Variants in ARID1B observed in about 807,000 individuals in gnomAD.
ARID1B encodes AT-rich interaction domain 1B.
Under a neutral mutation model 212.3 loss-of-function variants are expected in ARID1B, and 30 were observed. The observed-to-expected ratio is 0.14, with a 90% CI of 0.11 to 0.19. The LOEUF (loss-of-function observed/expected upper bound fraction) is 0.19, where lower values mean the gene tolerates loss of function less well. ARID1B is among the 10% of genes least tolerant of loss of function. The pLI is 1.00. For synonymous variants in ARID1B, 1,402 were observed against 1,301.7 expected, an observed-to-expected ratio of 1.08 and a Z score of -1.66; for missense variants, 2,891 against 3,204.0, an observed-to-expected ratio of 0.90 and a Z score of 2.36.
chr6:156,896,255 C>T (rs1316343713), intron 2 of ARID1B, among the ~76,000 whole-genome samples: 1 of 152,040 alleles, frequency 6.6e-6, no homozygotes, highest in Non-Finnish European at 1.5e-5. Flanking sequence ...GGTCAGTGTA[C>T]CTTTAAACCT....
chr6:157,047,398 G>A (rs1782305177), intron 4 of ARID1B, among the ~76,000 whole-genome samples: 1 of 152,314 alleles, frequency 6.6e-6, no homozygotes. Context: ...AGTTCTTGGT[G>A]TAATAGGAAC....
In ARID1B at chr6:156,777,724, G is replaced by GGCGGC; in HGVS notation, c.45_46insCGGCG (p.Ala16ArgfsTer55). 6.1e-6 allele frequency: 1 copy of GGCGGC among 163,076 alleles called. No homozygotes were observed. Among genetic ancestry groups the GGCGGC allele is most frequent in the Non-Finnish European group, 1.2e-5 (1 of 85,806 alleles). 10.1% of individuals were successfully genotyped at this position (163,076 alleles called of 1,614,324 possible). A position where few individuals can be genotyped will look rare whatever the true frequency, so the allele number is the denominator to read the frequency against. On this transcript the variant is annotated frameshift_variant, in exon 1 of 20. Transcript: ENST00000636930. LOFTEE classifies it high-confidence loss of function. ...GCGGCGGCGGCGGCGGCGGCGGCGCGGGCGCGGGCGCGGGCAGGCAGCGGC... is the reference window on the plus strand; with the variant it reads ...GCGGCGGCGGCGGCGGCGGCGGCGCGGCGGCGGCGCGGGCGCGGGCAGGCAGCGGC...
intron 4 of ARID1B, among the ~76,000 whole-genome samples, chr6:157,070,901 C>G (rs1393848082): frequency 6.6e-6 from 1 of 152,140 alleles, no homozygotes; most frequent in African/African-American, 2.4e-5. Flanking sequence ...CCTTTGTTAG[C>G]TCTTGTGAGA....
At chr6:156,890,073 A>G (rs894273953) in intron 2 of ARID1B, among the ~76,000 whole-genome samples, 9 of 152,258 alleles carry the variant, frequency 5.9e-5, no homozygotes, top group African/African-American at 1.9e-4. Context: ...ATAGATTCAT[A>G]ATGGTTATTA....
At chr6:156,940,221 C>T (rs562834521) in intron 4 of ARID1B, 1 of 152,254 alleles carries the variant, frequency 6.6e-6, no homozygotes, top group South Asian at 2.1e-4. Context: ...TTTGTTAGGA[C>T]TTTGTGAAAT....
chr6:156,973,476 T>A (rs937615474), intron 4 of ARID1B, among the ~76,000 whole-genome samples: 7 of 152,228 alleles, frequency 4.6e-5, no homozygotes, highest in African/African-American at 1.4e-4. Context: ...GTTATTTTAC[T>A]TGTGAGTTTC....
In ARID1B at chr6:156,778,865, C is replaced by T. The variant is rs1562377351; in HGVS notation, c.1185C>T (p.Gly395=). 23 of 1,399,234 alleles carry T rather than the reference C, an allele frequency of 1.6e-5. No individual in the cohort carries two copies. The highest frequency in any genetic ancestry group is 2.0e-5 in the Non-Finnish European group (22 of 1,073,390). 86.7% of individuals were successfully genotyped at this position (1,399,234 alleles called of 1,614,324 possible). ...SRPGAGGGGG[G]GGGGGGGSGG... is the part of the protein sequence containing the mutation. ...CCGGCGCGGGCGGCGGCGGCGGCGG[C>T]GGCGGCGGAGGAGGAGGAGGCAGCG... Residue 395 remains glycine (G), a synonymous_variant, in exon 1 of 20, where the codon GGC becomes GGT. Transcript: ENST00000636930.
At chr6:156,802,904 T>C (rs916746676) in intron 1 of ARID1B, among the ~76,000 whole-genome samples, 1 of 152,224 alleles carries the variant, frequency 6.6e-6, no homozygotes, top group African/African-American at 2.4e-5. Context: ...ATGTACACAA[T>C]ATGTTTCACA....
At chr6:157,175,029 G>T (rs558756695) in intron 11 of ARID1B, 24 bp downstream of exon 11, 293 of 1,349,026 alleles carry the variant, frequency 2.2e-4, no homozygotes, top group Middle Eastern at 4.2e-4. Context: ...GTTTTTTTTT[G>T]TTTTTTTTGT....
At chr6:156,885,988 T>C (rs1392390324) in intron 2 of ARID1B, among the ~76,000 whole-genome samples, 1 of 152,168 alleles carries the variant, frequency 6.6e-6, no homozygotes. Context: ...GATGTGATGC[T>C]CAGAGGAGAT....
intron 4 of ARID1B, among the ~76,000 whole-genome samples, chr6:156,994,799 G>T (rs1203474772): frequency 6.6e-6 from 1 of 152,218 alleles, no homozygotes; most frequent in African/African-American, 2.4e-5. Context: ...GGACAGACCA[G>T]TGGTCTCTGT....
intron 2 of ARID1B, among the ~76,000 whole-genome samples, chr6:156,835,252 A>AAG (rs1368759559): frequency 1.3e-5 from 2 of 151,884 alleles, no homozygotes; most frequent in African/African-American, 2.4e-5. Context: ...AAAAAAAAAA[A>AAG]AAAAGAAAAT....
At position 156,963,755 on chromosome 6, in the gene ARID1B, ATATT is replaced by A. The variant is rs1461399554; in HGVS notation, c.2247+28185_2247+28188del. Among the ~76,000 whole-genome samples the A allele has an allele frequency of 1.7e-4, 26 of 152,310 alleles. No individual in the cohort carries two copies. The South Asian group carries it at 5.4e-3, about 32-fold the overall frequency. Reference sequence around the variant, plus strand: ...ACCAAAACAAACTTCTCCTCTCAGTATATTTATTTGAAATTCTTCTTGTTTACAG... The same window carrying A: ...ACCAAAACAAACTTCTCCTCTCAGTATATTTGAAATTCTTCTTGTTTACAG... On this transcript the variant is annotated intron_variant, in intron 4 of 19. Transcript: ENST00000636930.
chr6:156,975,625 T>TTC (rs1246820980), intron 4 of ARID1B, among the ~76,000 whole-genome samples: 1 of 150,280 alleles, frequency 6.7e-6, no homozygotes, highest in African/African-American at 2.5e-5. Flanking sequence ...TTTTTTTTTT[T>TTC]TTTTTCAGTT....
At chr6:156,967,661 A>G (rs1195547471) in intron 4 of ARID1B, among the ~76,000 whole-genome samples, 2 of 152,232 alleles carry the variant, frequency 1.3e-5, no homozygotes, top group Non-Finnish European at 2.9e-5. Flanking sequence ...TTTACCTTAT[A>G]TATTATATTC....
At chr6:156,964,537 G>C (rs910917192) in intron 4 of ARID1B, among the ~76,000 whole-genome samples, 4 of 152,090 alleles carry the variant, frequency 2.6e-5, no homozygotes, top group Non-Finnish European at 5.9e-5. Context: ...GAAATTTGTG[G>C]TTTTAAATTC....
At chr6:157,119,850 T>C (rs1270373383) in intron 6 of ARID1B, 1 of 152,234 alleles carries the variant, frequency 6.6e-6, no homozygotes, top group African/African-American at 2.4e-5. Context: ...CAGGGCCTCA[T>C]GTTTTACCTG....
intron 4 of ARID1B, among the ~76,000 whole-genome samples, chr6:157,048,944 C>T (rs900965759): frequency 1.3e-5 from 2 of 152,146 alleles, no homozygotes; most frequent in African/African-American, 4.8e-5. Flanking sequence ...GAGACTGAGG[C>T]GGGCAGATCA....
At chr6:156,929,889 T>G (rs889192173) in intron 3 of ARID1B, among the ~76,000 whole-genome samples, 1 of 150,832 alleles carries the variant, frequency 6.6e-6, no homozygotes, top group African/African-American at 2.5e-5. Context: ...CATCTGTTAG[T>G]TTATAGTCTG....
Sources: allele counts gnomAD v4.1 joint callset (sites outside exome capture counted in the v4.1 genomes callset), GRCh38; gene constraint gnomAD v4.1.1; transcripts MANE v1.5; gene names NCBI Gene and HGNC (gene_info 2026-07-23, HGNC 2026-07-21).